Variants in TEAD2 observed in about 807,000 individuals in gnomAD.
TEAD2 encodes the protein TEA domain transcription factor 2, also known as transcriptional enhancer factor TEF-4.
In TEAD2, 51 loss-of-function variants were observed where a neutral mutation model predicts 61.4. The observed-to-expected ratio is 0.83, with a 90% confidence interval of 0.66 to 1.05. The LOEUF (loss-of-function observed/expected upper bound fraction) is 1.05, where lower values mean the gene tolerates loss of function less well. Among genes scored for constraint, TEAD2 ranks in the 50% least tolerant of loss-of-function variants. The pLI, the probability that TEAD2 is intolerant of heterozygous loss-of-function variation, is 0.00. For synonymous variants in TEAD2, 244 were observed against 243.2 expected, an observed-to-expected ratio of 1.00 and a Z score of -0.03; for missense variants, 509 against 600.0, an observed-to-expected ratio of 0.85 and a Z score of 1.58.
intron 4 of TEAD2, 115 bp downstream of exon 4, chr19:49,357,137 C>G: frequency 9.8e-7 from 1 of 1,021,902 alleles, no homozygotes; most frequent in Non-Finnish European, 1.4e-6. Flanking sequence ...TCTCAGTCCT[C>G]CCCGCTCTAA....
chr19:49,346,008 T>C (rs1169519626), intron 10 of TEAD2, among the ~76,000 whole-genome samples: 1 of 150,742 alleles, frequency 6.6e-6, no homozygotes, highest in East Asian at 2.0e-4. Context: ...CTACTAAAAA[T>C]ACAAAAATTA....
In TEAD2 at chr19:49,348,818, G is replaced by A; in HGVS notation, c.632C>T (p.Pro211Leu). 6.3e-7 allele frequency: 1 copy of A among 1,592,970 alleles called. No homozygotes were observed. Among genetic ancestry groups the A allele is most frequent in the Non-Finnish European group, 8.5e-7 (1 of 1,172,460 alleles). The part of the protein sequence containing the change: ...PGYEPPQALS[P>L]LPPPTPSPPA... The stretch of plus-strand genomic sequence containing the variant: ...GGGCGATGGGGTAGGTGGGGGCAGG[G>A]GTGAGAGGGCTTGGGGGGGCTCGTA... The change falls in exon 9 of 13, where the codon CCC (proline) becomes CTC (leucine). Residue 211 changes from proline (P) to leucine (L), a missense_variant. Physicochemically the swap from Pro to Leu is moderately conservative, Grantham distance 98 (BLOSUM62 -3). Coordinates refer to ENST00000593945, the MANE Select transcript of TEAD2 (RefSeq NM_001256660.2).
rs193115147 is a variant in TEAD2, at chr19:49,347,807, T to C, written c.748-444A>G. On this transcript the variant is annotated intron_variant, in intron 9 of 12. Transcript: ENST00000593945. ...AGAACAGGTGCTCATAAATGGTCAA[T>C]GGATGGAAGAGTGAATGAATGGGAA... 6.6e-4 allele frequency among the ~76,000 whole-genome samples: 100 copies of C among 152,274 alleles called. 1 individual carries two copies. The highest frequency in any genetic ancestry group is 6.5e-3 in the Admixed American group (99 of 15,300).
At chr19:49,344,946 C>T (rs1293209916) in intron 10 of TEAD2, among the ~76,000 whole-genome samples, 1 of 152,208 alleles carries the variant, frequency 6.6e-6, no homozygotes, top group Non-Finnish European at 1.5e-5. Context: ...GCGAGGCGCA[C>T]CTCTTCCTCT....
chr19:49,342,610 G>C lies in TEAD2; in HGVS notation c.1090-20C>G, dbSNP rs1419609103. On this transcript the variant is annotated intron_variant, in intron 11 of 12. Transcript: ENST00000593945. Reference sequence around the variant, plus strand: ...TTCCGTCTGAACCAAGGGGAAGGGAGTTGGGAAAATGGTGGCTGAGAGACC... The same window carrying C: ...TTCCGTCTGAACCAAGGGGAAGGGACTTGGGAAAATGGTGGCTGAGAGACC... The C allele has an allele frequency of 6.2e-7, 1 of 1,602,460 alleles. No individual in the cohort carries two copies. Among genetic ancestry groups the C allele is most frequent in the Non-Finnish European group, 8.5e-7 (1 of 1,171,080 alleles).
chr19:49,345,206 C>G (rs1971553585), intron 10 of TEAD2, among the ~76,000 whole-genome samples: 1 of 152,170 alleles, frequency 6.6e-6, no homozygotes, highest in South Asian at 2.1e-4. Flanking sequence ...GCAGAAAGCT[C>G]CAGAACCGTG....
intron 8 of TEAD2, among the ~76,000 whole-genome samples, chr19:49,350,537 G>A (rs1245891536): frequency 2.0e-5 from 3 of 152,016 alleles, no homozygotes; most frequent in Non-Finnish European, 2.9e-5. Flanking sequence ...GTTTCGCCAT[G>A]TTGGCCAGGT....
intron 1 of TEAD2, chr19:49,361,941 C>G (rs1972979549): frequency 1.3e-5 from 2 of 152,696 alleles, no homozygotes; most frequent in Non-Finnish European, 2.9e-5. Context: ...CGCCCCAGAC[C>G]CTAAACCTCC....
chr19:49,347,038 G>T, intron 10 of TEAD2, 152 bp downstream of exon 10: 1 of 1,111,388 alleles, frequency 9.0e-7, no homozygotes, highest in Non-Finnish European at 1.3e-6. Context: ...GTTCCTTGTT[G>T]CAAAGGGGGC....
At chr19:49,351,231 G>A (rs1972000591) in intron 8 of TEAD2, 70 bp downstream of exon 8, 1 of 1,429,390 alleles carries the variant, frequency 7.0e-7, no homozygotes, top group Non-Finnish European at 9.6e-7. Context: ...TTGATGGAAG[G>A]TTGAAGGAAA....
intron 7 of TEAD2, among the ~76,000 whole-genome samples, chr19:49,353,434 C>T (rs541588351): frequency 1.3e-5 from 2 of 152,198 alleles, no homozygotes; most frequent in South Asian, 4.2e-4. Context: ...AAGTCCTACC[C>T]GGCCTTCAAT....
At chr19:49,349,032 TG>T in intron 8 of TEAD2, 187 bp from the exon 9 acceptor site, 1 of 596,380 alleles carries the variant, frequency 1.7e-6, no homozygotes, top group Non-Finnish European at 2.5e-6. Flanking sequence ...GGAAATCTGC[TG>T]GGGGGCTTCT....
At chr19:49,345,328 T>A (rs1213948273) in intron 10 of TEAD2, among the ~76,000 whole-genome samples, 2 of 151,948 alleles carry the variant, frequency 1.3e-5, no homozygotes, top group African/African-American at 2.4e-5. Flanking sequence ...CCTTCTTTCT[T>A]TTCTTTCCTT....
intron 4 of TEAD2, chr19:49,356,401 C>T (rs372302827): frequency 1.8e-5 from 2 of 113,408 alleles, no homozygotes; most frequent in Admixed American, 8.5e-5. Flanking sequence ...AAAAAAAAAA[C>T]CAGAAGCGAC....
At chr19:49,358,853 G>C (rs1359191729) in intron 3 of TEAD2, among the ~76,000 whole-genome samples, 1 of 151,580 alleles carries the variant, frequency 6.6e-6, no homozygotes, top group Non-Finnish European at 1.5e-5. Context: ...GGATGGTCTC[G>C]ATCTCCTGAC....
intron 3 of TEAD2, 191 bp from the exon 4 acceptor site, chr19:49,357,505 C>A: frequency 1.6e-6 from 1 of 628,286 alleles, no homozygotes; most frequent in Admixed American, 2.6e-5. Flanking sequence ...ACCACGGACC[C>A]TCCCGGGACC....
chr19:49,352,178 C>T (rs1241998090), intron 7 of TEAD2, among the ~76,000 whole-genome samples: 1 of 151,944 alleles, frequency 6.6e-6, no homozygotes, highest in African/African-American at 2.4e-5. Flanking sequence ...TAGAACTTTC[C>T]AGGGATGGAA....
intron 9 of TEAD2, among the ~76,000 whole-genome samples, chr19:49,347,672 TC>T (rs1176032518): frequency 4.6e-5 from 7 of 152,028 alleles, no homozygotes; most frequent in African/African-American, 1.7e-4. Context: ...CTCCAGTTCA[TC>T]CCTCATGTGG....
Position 49,351,338 on chromosome 19 carries a change from G to C in TEAD2, c.567C>G (p.Phe189Leu), listed in dbSNP as rs779384868. 6.2e-7 allele frequency: 1 copy of C among 1,612,620 alleles called. No homozygotes were observed. The highest frequency in any genetic ancestry group is 1.7e-5 in the Admixed American group (1 of 59,768). ...PDVKPFSQTP[F>L]TLSLTPPSTD... ...TAGATGGGGGAGTCAGTGACAAGGT[G>C]AACGGTGTCTGTGAGAATGGCTTCA... The change falls in exon 8 of 13, where the codon TTC (phenylalanine) becomes TTG (leucine). Residue 189 changes from phenylalanine to leucine, a missense_variant. By Grantham distance (22) the Phe-to-Leu change is conservative. Coordinates refer to ENST00000593945, the MANE Select transcript of TEAD2 (RefSeq NM_001256660.2).
Sources: allele counts gnomAD v4.1 joint callset (sites outside exome capture counted in the v4.1 genomes callset), GRCh38; gene constraint gnomAD v4.1.1; transcripts MANE v1.5; gene names NCBI Gene and HGNC (gene_info 2026-07-23, HGNC 2026-07-21).